TSNARE1: variants seen among roughly 807,000 people sequenced by gnomAD.
TSNARE1 encodes t-SNARE domain containing 1, also known as t-SNARE domain-containing protein 1.
In TSNARE1, 49 loss-of-function variants were observed where a neutral mutation model predicts 62.0. The ratio of observed to expected loss-of-function variants is 0.79; its 90% CI spans 0.63 to 1.00. The LOEUF (loss-of-function observed/expected upper bound fraction) is 1.00. Ranked by LOEUF, TSNARE1 falls within the 50% of genes least tolerant of loss-of-function variation. TSNARE1 has a pLI of 0.00. For missense variants in TSNARE1, 755 were observed against 700.1 expected, an observed-to-expected ratio of 1.08 and a Z score of -0.88; for synonymous variants, 328 against 294.4, an observed-to-expected ratio of 1.11 and a Z score of -1.17.
chr8:142,253,710 T>A lies in TSNARE1; in HGVS notation c.1446+21071A>T, dbSNP rs541367953. Among the ~76,000 whole-genome samples the A allele has an allele frequency of 3.9e-5, 6 of 152,302 alleles. 1 individual carries two copies. In the South Asian group the frequency reaches 1.2e-3, roughly 32 times the overall value. ...AGGCAGGATGGGTGACCTCGCTGAATCTCCATCACTTCATCCCCAAGTGGC... is the reference window on the plus strand; with the variant it reads ...AGGCAGGATGGGTGACCTCGCTGAAACTCCATCACTTCATCCCCAAGTGGC... On this transcript the variant is annotated intron_variant, in intron 12 of 13. Transcript: ENST00000524325.
At chr8:142,345,959 C>G in intron 2 of TSNARE1, 67 bp from the exon 3 acceptor site, 1 of 1,552,988 alleles carries the variant, frequency 6.4e-7, no homozygotes, top group South Asian at 1.2e-5. Flanking sequence ...GCCAGGCCCC[C>G]ATGCACGGAC....
At chr8:142,222,103 C>CTTCACTCACTCACCCACTCATTT (rs1554623956) in intron 13 of TSNARE1, among the ~76,000 whole-genome samples, 1 of 10,948 alleles carries the variant, frequency 9.1e-5, no homozygotes, top group Non-Finnish European at 1.6e-4. Context: ...TCATCCACTC[C>CTTCACTCACTCACCCACTCATTT]ACTCACTCAT....
At chr8:142,294,899 TC>T (rs1193786928) in intron 10 of TSNARE1, among the ~76,000 whole-genome samples, 1 of 152,030 alleles carries the variant, frequency 6.6e-6, no homozygotes, top group African/African-American at 2.4e-5. Flanking sequence ...CTCCATCTTC[TC>T]CCCCATCCAG....
chr8:142,374,960 C>A (rs1415410070), intron 1 of TSNARE1, among the ~76,000 whole-genome samples: 1 of 152,166 alleles, frequency 6.6e-6, no homozygotes, highest in African/African-American at 2.4e-5. Context: ...CAGGCAGGTG[C>A]CCAAGCACCA....
intron 13 of TSNARE1, among the ~76,000 whole-genome samples, chr8:142,221,329 C>T (rs941270167): frequency 5.9e-5 from 9 of 152,230 alleles, no homozygotes; most frequent in Admixed American, 2.0e-4. Flanking sequence ...TGCACACACA[C>T]GCAGGCACAT....
chr8:142,318,521 A>G, intron 7 of TSNARE1, 23 bp downstream of exon 7: 1 of 1,608,386 alleles, frequency 6.2e-7, no homozygotes, highest in Middle Eastern at 1.7e-4. Flanking sequence ...CCTCCCTCCC[A>G]GCCCCAGACC....
chr8:142,357,656 T>C (rs1342657225), intron 1 of TSNARE1, among the ~76,000 whole-genome samples: 2 of 152,048 alleles, frequency 1.3e-5, no homozygotes, highest in Non-Finnish European at 2.9e-5. Context: ...GACTTCCTCG[T>C]GCCAGAAAGT....
intron 11 of TSNARE1, chr8:142,279,934 A>G (rs1417068141): frequency 1.9e-6 from 2 of 1,079,378 alleles, no homozygotes; most frequent in African/African-American, 3.5e-5. Context: ...CATGCGCTCC[A>G]CAGGTGTGAG....
intron 4 of TSNARE1, among the ~76,000 whole-genome samples, chr8:142,343,176 G>C (rs1446567102): frequency 2.6e-5 from 4 of 152,192 alleles, no homozygotes; most frequent in African/African-American, 2.4e-5. Context: ...CTGCAGCTCT[G>C]AGCAGATGCT....
intron 12 of TSNARE1, chr8:142,271,640 A>C (rs1349909721): frequency 2.1e-6 from 3 of 1,413,800 alleles, no homozygotes; most frequent in Non-Finnish European, 2.8e-6. Flanking sequence ...GGGCCCTTCC[A>C]GGGACCTCAG....
rs1484173546 is a variant in TSNARE1 at position 142,291,286 on chromosome 8, C to T, written c.1291-6801G>A. Among the ~76,000 whole-genome samples, 1 of 151,956 alleles carries T rather than the reference C, an allele frequency of 6.6e-6. No homozygotes were observed. ...GATGGCCTTGTGCTGGAGTAGGGCA[C>T]CTGGGCTCGAATCCCAGCTCCATGG... On this transcript the variant is annotated intron_variant, in intron 10 of 13. Coordinates refer to ENST00000524325, the MANE Select transcript of TSNARE1 (RefSeq NM_145003.5). The surrounding 1 kb of genome is among the most constrained non-coding windows in gnomAD (Gnocchi z 4.8).
chr8:142,362,280 G>A (rs772551560), intron 1 of TSNARE1, among the ~76,000 whole-genome samples: 26 of 152,220 alleles, frequency 1.7e-4, no homozygotes, highest in Non-Finnish European at 2.9e-4. Context: ...AGGGGTTGCT[G>A]CTGGAGCTGT....
intron 4 of TSNARE1, among the ~76,000 whole-genome samples, chr8:142,332,333 C>T (rs763321663): frequency 3.9e-5 from 6 of 152,142 alleles, no homozygotes; most frequent in East Asian, 1.9e-4. Context: ...GGCCACACGC[C>T]GCACGGTTCC....
intron 2 of TSNARE1, among the ~76,000 whole-genome samples, chr8:142,349,299 G>T (rs1833789740): frequency 6.6e-6 from 1 of 152,084 alleles, no homozygotes; most frequent in Non-Finnish European, 1.5e-5. Flanking sequence ...GAAAGTTAAA[G>T]ATATTTAGAA....
chr8:142,302,394 C>T (rs557615447), intron 9 of TSNARE1, among the ~76,000 whole-genome samples: 1 of 152,280 alleles, frequency 6.6e-6, no homozygotes, highest in South Asian at 2.1e-4. Flanking sequence ...GAGGTGGGGG[C>T]TGTGCCGGTC....
At chr8:142,295,678 C>T (rs902850955) in intron 10 of TSNARE1, among the ~76,000 whole-genome samples, 1 of 152,208 alleles carries the variant, frequency 6.6e-6, no homozygotes, top group Non-Finnish European at 1.5e-5. Flanking sequence ...AACTCCATTC[C>T]TGCACAGCAG....
At chr8:142,307,463 CCT>C (rs1826881454) in intron 9 of TSNARE1, among the ~76,000 whole-genome samples, 1 of 152,156 alleles carries the variant, frequency 6.6e-6, no homozygotes, top group Non-Finnish European at 1.5e-5. Flanking sequence ...TGCGCAAGTC[CCT>C]GATATAAAAT....
At chr8:142,239,192 T>C (rs892395545) in intron 12 of TSNARE1, among the ~76,000 whole-genome samples, 2 of 152,052 alleles carry the variant, frequency 1.3e-5, no homozygotes, top group African/African-American at 2.4e-5. Flanking sequence ...GAGTTCAAGG[T>C]CCCACTGAGC....
chr8:142,263,087 C>A (rs1268023646), intron 12 of TSNARE1, among the ~76,000 whole-genome samples: 1 of 152,150 alleles, frequency 6.6e-6, no homozygotes, highest in Non-Finnish European at 1.5e-5. Flanking sequence ...AGCTAGCACC[C>A]TCGACTTTCT....
Sources: gnomAD v4.1 joint callset for allele counts (sites outside exome capture counted in the v4.1 genomes callset) on GRCh38, gnomAD v4.1.1 for gene constraint, Gnocchi (gnomAD v3.1) non-coding constraint, MANE v1.5 for transcripts, NCBI Gene and HGNC (gene_info 2026-07-23, HGNC 2026-07-21) for gene names.